MEGF11: variants seen among roughly 807,000 people sequenced by gnomAD.
The protein encoded by MEGF11 is multiple EGF like domains 11, also known as multiple epidermal growth factor-like domains protein 11.
A neutral mutation model predicts 146.6 loss-of-function variants in MEGF11; 126 were observed. The observed-to-expected ratio is 0.86, with a 90% CI of 0.74 to 1.00. MEGF11 has a LOEUF of 1.00. MEGF11 is among the 50% of genes least tolerant of loss of function. The pLI is 0.00. For missense variants in MEGF11, 1,509 were observed against 1,521.2 expected (o/e 0.99, Z 0.13); for synonymous variants, 532 against 583.4 (o/e 0.91, Z 1.27).
chr15:66,207,892 G>A (rs2091342187), intron 1 of MEGF11, among the ~76,000 whole-genome samples: 1 of 152,118 alleles, frequency 6.6e-6, no homozygotes, highest in Non-Finnish European at 1.5e-5. Context: ...AGACCAGCCT[G>A]GGCAACATGG....
chr15:65,961,748 G>T (rs1172461311), intron 9 of MEGF11, among the ~76,000 whole-genome samples: 4 of 152,202 alleles, frequency 2.6e-5, no homozygotes, highest in Non-Finnish European at 5.9e-5. Context: ...CTTTGGCTGG[G>T]GGCTGGGATT....
In MEGF11 at chr15:66,082,466, A is replaced by AATCTATCT. The variant is rs200466707; in HGVS notation, c.394+11928_394+11935dup. On this transcript the variant is annotated intron_variant, in intron 5 of 25. Transcript: ENST00000395614. Reference sequence around the variant, plus strand: ...AAAAAAAAAAAAAAAAAAAAAAAAAAATCTATCTATCTATCTATCTATCTA... The same window carrying AATCTATCT: ...AAAAAAAAAAAAAAAAAAAAAAAAAAATCTATCTATCTATCTATCTATCTATCTATCTA... Among the ~76,000 whole-genome samples, 296 of 72,630 alleles carry AATCTATCT rather than the reference A, an allele frequency of 4.1e-3. 2 individuals carry two copies. The highest frequency in any genetic ancestry group is 5.4e-3 in the Non-Finnish European group (227 of 41,686). The allele number at this position is 72,630 out of a possible 152,430, so 47.6% of individuals were successfully genotyped here.
rs138105017 is a variant in MEGF11 at position 65,960,877 on chromosome 15, C to T, written c.1113-3156G>A. 8.0e-4 allele frequency among the ~76,000 whole-genome samples: 122 copies of T among 152,266 alleles called. 1 individual carries two copies. The East Asian group carries it at 0.021, about 26-fold the overall frequency. Reference sequence around the variant, plus strand: ...ATCTCTGCTGCCATCACTTTGGCTGCTCAGGGATATGTTAGGCACTAATTT... The same window carrying T: ...ATCTCTGCTGCCATCACTTTGGCTGTTCAGGGATATGTTAGGCACTAATTT... On this transcript the variant is annotated intron_variant, in intron 9 of 25. Transcript: ENST00000395614.
Position 65,922,059 on chromosome 15 carries a change from C to T in MEGF11, c.1957+279G>A, listed in dbSNP as rs1351579618. ...TCTCTGTGCTTGTTTCACTTTTCATCCCTTCAGCATGCATGTCGGAATCAG... is the reference window on the plus strand; with the variant it reads ...TCTCTGTGCTTGTTTCACTTTTCATTCCTTCAGCATGCATGTCGGAATCAG... On this transcript the variant is annotated intron_variant, in intron 15 of 25. Coordinates refer to ENST00000395614, the MANE Select transcript of MEGF11 (RefSeq NM_001385028.1). 3 of 460,226 alleles carry T rather than the reference C, an allele frequency of 6.5e-6. No individual in the cohort carries two copies. The East Asian group carries it at 1.3e-4, about 21-fold the overall frequency. 28.5% of individuals were successfully genotyped at this position (460,226 alleles called of 1,614,324 possible). A position where few individuals can be genotyped will look rare whatever the true frequency, so the allele number is the denominator to read the frequency against.
chr15:66,249,433 T>C (rs55865344), intron 1 of MEGF11, among the ~76,000 whole-genome samples: 24,222 of 152,194 alleles, frequency 0.16, 3,076 homozygotes, highest in African/African-American at 0.35. Context: ...ACTGCTATAA[T>C]AAACCCCCAC....
intron 4 of MEGF11, among the ~76,000 whole-genome samples, chr15:66,113,681 C>T (rs943150099): frequency 6.6e-6 from 1 of 152,092 alleles, no homozygotes; most frequent in African/African-American, 2.4e-5. Context: ...ATCACGAGGT[C>T]AGGAGATCGA....
chr15:65,928,420 G>T lies in MEGF11; in HGVS notation c.1675+5C>A. On this transcript the variant is annotated splice_donor_5th_base_variant and intron_variant, in intron 13 of 25. Transcript: ENST00000395614. ...CTGGGTGGTGGCACAGCAAGGGAAG[G>T]TTACCTGTCCATCCGGCCAGGCAGC... 6.3e-7 allele frequency: 1 copy of T among 1,582,828 alleles called. No homozygotes were observed. Among genetic ancestry groups the T allele is most frequent in the Non-Finnish European group, 8.6e-7 (1 of 1,160,298 alleles).
chr15:66,169,215 A>C (rs1478124044), intron 1 of MEGF11, among the ~76,000 whole-genome samples: 1 of 152,220 alleles, frequency 6.6e-6, no homozygotes, highest in African/African-American at 2.4e-5. Flanking sequence ...GCAGCCACTC[A>C]ATACACATTC....
chr15:66,241,454 T>C (rs2092207019), intron 1 of MEGF11, among the ~76,000 whole-genome samples: 1 of 152,216 alleles, frequency 6.6e-6, no homozygotes, highest in Non-Finnish European at 1.5e-5. Context: ...ACAGTCTGTA[T>C]AGACAATGCA....
chr15:65,968,464 A>G (rs1195424918), intron 8 of MEGF11, among the ~76,000 whole-genome samples: 4 of 152,212 alleles, frequency 2.6e-5, no homozygotes, highest in Non-Finnish European at 5.9e-5. Flanking sequence ...CTGAAGGGCA[A>G]TTCCCTAGCC....
chr15:66,090,649 A>G (rs6494550), intron 5 of MEGF11, among the ~76,000 whole-genome samples: 146,852 of 152,306 alleles, frequency 0.96, 71,023 homozygotes, highest in East Asian at 1. Flanking sequence ...AGGCCCCACG[A>G]ATCTTGGAAA....
chr15:65,921,131 C>CA (rs1276538241), intron 15 of MEGF11, among the ~76,000 whole-genome samples: 1 of 152,150 alleles, frequency 6.6e-6, no homozygotes, highest in Non-Finnish European at 1.5e-5. Context: ...CACACACTTG[C>CA]AAAAATAGCC....
chr15:65,951,717 A>T (rs2080409070), intron 10 of MEGF11, among the ~76,000 whole-genome samples: 1 of 150,246 alleles, frequency 6.7e-6, no homozygotes, highest in Non-Finnish European at 1.5e-5. Context: ...CAAACAAAAA[A>T]ACCCCAACAA....
intron 22 of MEGF11, among the ~76,000 whole-genome samples, chr15:65,909,464 A>G (rs2078728894): frequency 6.6e-6 from 1 of 151,944 alleles, no homozygotes; most frequent in Admixed American, 6.5e-5. Flanking sequence ...GTTCCTATCC[A>G]GATGGTGAGT....
chr15:65,982,094 A>T lies in MEGF11; in HGVS notation c.641+148T>A. 2 of 932,940 alleles carry T rather than the reference A, an allele frequency of 2.1e-6. No homozygotes were observed. Among genetic ancestry groups the T allele is most frequent in the Non-Finnish European group, 3.0e-6 (2 of 659,018 alleles). The allele number at this position is 932,940 out of a possible 1,614,324, so 57.8% of individuals were successfully genotyped here. ...CCCACCACCCAGCCCACCCACAAGG[A>T]GCCCAGGGCTGGGCGTGCAGCTGCG... is the stretch of plus-strand genomic sequence containing the variant. On this transcript the variant is annotated intron_variant, in intron 6 of 25. Transcript: ENST00000395614. This position sits in a 1 kb window ranked among gnomAD's most constrained non-coding sequence, Gnocchi z 5.6.
chr15:66,033,789 T>C (rs1010275957), intron 5 of MEGF11, among the ~76,000 whole-genome samples: 1 of 152,228 alleles, frequency 6.6e-6, no homozygotes, highest in Non-Finnish European at 1.5e-5. Context: ...TTTATTTTTA[T>C]TTTTTATTTT....
chr15:66,091,660 T>C (rs989037037), intron 5 of MEGF11, among the ~76,000 whole-genome samples: 10 of 152,190 alleles, frequency 6.6e-5, no homozygotes, highest in Non-Finnish European at 1.5e-4. Context: ...TTGTGAAAAT[T>C]AAACAAGTGG....
intron 13 of MEGF11, 142 bp from the exon 14 acceptor site, chr15:65,923,111 G>T: frequency 1.1e-6 from 1 of 890,212 alleles, no homozygotes. Context: ...CCCGGCTGAG[G>T]CTTGGCTGGT....
chr15:66,066,901 G>A (rs1311120293), intron 5 of MEGF11, among the ~76,000 whole-genome samples: 1 of 152,202 alleles, frequency 6.6e-6, no homozygotes, highest in Non-Finnish European at 1.5e-5. Context: ...AGAAAGGAGA[G>A]GCACCATCTG....
Sources: allele counts gnomAD v4.1 joint callset (sites outside exome capture counted in the v4.1 genomes callset), GRCh38; gene constraint gnomAD v4.1.1; non-coding constraint Gnocchi (gnomAD v3.1); transcripts MANE v1.5; gene names NCBI Gene and HGNC (gene_info 2026-07-23, HGNC 2026-07-21).